The following BCL2L1 variants were observed in gnomAD, a reference collection of about 807,000 sequenced individuals.
BCL2L1 encodes bcl-2-like protein 1.
A neutral mutation model predicts 18.7 loss-of-function variants in BCL2L1; 1 was observed. That is an observed-to-expected ratio of 0.05 (90% CI 0.02 to 0.25). The LOEUF is 0.25. BCL2L1 is among the 10% of genes least tolerant of loss of function. The pLI, the probability that BCL2L1 is intolerant of heterozygous loss-of-function variation, is 1.00. For missense variants in BCL2L1, 207 were observed against 304.9 expected (o/e 0.68, Z 2.39); for synonymous variants, 103 against 122.7 (o/e 0.84, Z 1.06).
chr20:31,722,022 T>C lies in BCL2L1; in HGVS notation c.197A>G (p.Asn66Ser). Residue 66 changes from asparagine to serine, a missense_variant, in exon 2 of 3, where the codon AAT (asparagine) becomes AGT (serine). Physicochemically the swap from Asn to Ser is conservative, Grantham distance 46. Coordinates refer to ENST00000307677, the MANE Select transcript of BCL2L1 (RefSeq NM_138578.3). ...ACTGCTGCTGTGGCCAGTGGCTCCATTCACCGCGGGGCTGTCTGCCAGGTG... is the reference window on the plus strand; with the variant it reads ...ACTGCTGCTGTGGCCAGTGGCTCCACTCACCGCGGGGCTGTCTGCCAGGTG... ...SWHLADSPAV[N>S]GATGHSSSLD... The C allele has an allele frequency of 1.9e-6, 3 of 1,613,124 alleles. No homozygotes were observed. Among genetic ancestry groups the C allele is most frequent in the Non-Finnish European group, 2.5e-6 (3 of 1,179,326 alleles).
intron 2 of BCL2L1, among the ~76,000 whole-genome samples, chr20:31,687,374 G>A (rs147223447): frequency 1.2e-3 from 187 of 152,012 alleles, no homozygotes; most frequent in African/African-American, 4.3e-3. Flanking sequence ...ATTCTCGGTC[G>A]GGCGCGGTGG....
At chr20:31,675,602 C>T (rs981337857) in intron 2 of BCL2L1, among the ~76,000 whole-genome samples, 2 of 152,126 alleles carry the variant, frequency 1.3e-5, no homozygotes, top group African/African-American at 4.8e-5. Context: ...TTCTCCTCTC[C>T]CCCACGGAAA....
At chr20:31,667,484 C>CGTGTGTATGTGTGT (rs2060605513) in intron 2 of BCL2L1, among the ~76,000 whole-genome samples, 1 of 135,266 alleles carries the variant, frequency 7.4e-6, no homozygotes, top group African/African-American at 3.1e-5. Context: ...ACCATAGTAC[C>CGTGTGTATGTGTGT]GTGTGTGTGT....
intron 2 of BCL2L1, among the ~76,000 whole-genome samples, chr20:31,719,607 C>G (rs1021959465): frequency 1.3e-5 from 2 of 152,194 alleles, no homozygotes; most frequent in African/African-American, 4.8e-5. Context: ...GGTATGTTGT[C>G]CAACAGGCTC....
chr20:31,668,185 A>C (rs1355796896), intron 2 of BCL2L1, among the ~76,000 whole-genome samples: 1 of 149,962 alleles, frequency 6.7e-6, no homozygotes, highest in Non-Finnish European at 1.5e-5. Flanking sequence ...CGCCTGCCTC[A>C]CTCCCTCATT....
rs748607674 is a variant in BCL2L1 at position 31,722,267 on chromosome 20, T to G, written c.-49A>C. ...CCAGTCCATTGTCCAAAACACCTGC[T>G]CACTCACTGAGTCTCGTCTCTGGTT... On this transcript the variant is annotated 5_prime_UTR_variant, in exon 2 of 3. Coordinates refer to ENST00000307677, the MANE Select transcript of BCL2L1 (RefSeq NM_138578.3). 1.5e-6 allele frequency: 2 copies of G among 1,327,860 alleles called. No homozygotes were observed. Among genetic ancestry groups the G allele is most frequent in the Admixed American group, 2.5e-5 (1 of 39,974 alleles). The allele number at this position is 1,327,860 out of a possible 1,614,324, so 82.3% of individuals were successfully genotyped here.
At chr20:31,670,011 G>A (rs1265903968) in intron 2 of BCL2L1, among the ~76,000 whole-genome samples, 2 of 152,170 alleles carry the variant, frequency 1.3e-5, no homozygotes, top group Non-Finnish European at 2.9e-5. Flanking sequence ...CTGCAAGACT[G>A]CCTAGCTTCA....
rs565755968 is a variant in BCL2L1 at position 31,674,122 on chromosome 20, T to G, written c.565-8036A>C. Among the ~76,000 whole-genome samples, 4 of 152,328 alleles carry G rather than the reference T, an allele frequency of 2.6e-5. No homozygotes were observed. In the East Asian group the frequency reaches 7.7e-4, roughly 29 times the overall value. On this transcript the variant is annotated intron_variant, in intron 2 of 2. Coordinates refer to ENST00000307677, the MANE Select transcript of BCL2L1 (RefSeq NM_138578.3). The stretch of plus-strand genomic sequence containing the variant: ...CTTTTAATCTATCCAAGATAGTACT[T>G]CATTCACACTCATTCTGATGTCCAA...
chr20:31,723,873 T>C, upstream of BCL2L1: 1 of 985,266 alleles, frequency 1.0e-6, no homozygotes, highest in Non-Finnish European at 1.2e-6. Flanking sequence ...CCTGGCTGAC[T>C]GCTCGCGCCG....
rs2061648707 is a variant in BCL2L1 at position 31,722,324 on chromosome 20, T to G, written c.-106A>C. The stretch of plus-strand genomic sequence containing the variant: ...TCTCTTCTAAGATCCAAAGCCAAGA[T>G]AAGATTCTGAAGGGAGAGAAAGAGC... On this transcript the variant is annotated 5_prime_UTR_variant, in exon 2 of 3. Transcript: ENST00000307677. 9 of 865,400 alleles carry G rather than the reference T, an allele frequency of 1.0e-5. No individual in the cohort carries two copies. The South Asian group carries it at 2.5e-4, about 24-fold the overall frequency. The allele number at this position is 865,400 out of a possible 1,614,324, so 53.6% of individuals were successfully genotyped here. A position where few individuals can be genotyped will look rare whatever the true frequency, so the allele number is the denominator to read the frequency against.
chr20:31,714,712 T>C (rs1912375597), intron 2 of BCL2L1, among the ~76,000 whole-genome samples: 1 of 151,962 alleles, frequency 6.6e-6, no homozygotes, highest in African/African-American at 2.4e-5. Flanking sequence ...ACTGTTGGAG[T>C]GGAAGAGGAC....
chr20:31,670,589 C>T (rs2122440577), intron 2 of BCL2L1, among the ~76,000 whole-genome samples: 1 of 152,332 alleles, frequency 6.6e-6, no homozygotes, highest in East Asian at 1.9e-4. Flanking sequence ...ATTCTCATTT[C>T]AGTGCCATAG....
intron 2 of BCL2L1, among the ~76,000 whole-genome samples, chr20:31,692,506 T>C (rs2061090566): frequency 6.6e-6 from 1 of 152,214 alleles, no homozygotes; most frequent in Non-Finnish European, 1.5e-5. Flanking sequence ...CTGGGCGCAG[T>C]GGCTCACGCC....
intron 2 of BCL2L1, chr20:31,720,039 A>G: frequency 1.1e-6 from 1 of 943,062 alleles, no homozygotes; most frequent in African/African-American, 1.8e-5. Context: ...CTATTTAATC[A>G]TTTATCCCCC....
chr20:31,690,575 T>G (rs1006513752), intron 2 of BCL2L1, among the ~76,000 whole-genome samples: 2 of 145,684 alleles, frequency 1.4e-5, no homozygotes, highest in African/African-American at 5.0e-5. Context: ...CAGTATGTAT[T>G]TTTTTTTTTT....
At chr20:31,673,474 T>G (rs1429222015) in intron 2 of BCL2L1, among the ~76,000 whole-genome samples, 1 of 148,838 alleles carries the variant, frequency 6.7e-6, no homozygotes, top group Admixed American at 6.8e-5. Flanking sequence ...GAGGACCCTG[T>G]CTCTACAAAA....
chr20:31,696,657 A>T (rs893312701), intron 2 of BCL2L1, among the ~76,000 whole-genome samples: 2 of 152,326 alleles, frequency 1.3e-5, no homozygotes, highest in East Asian at 3.9e-4. Flanking sequence ...TAACGCCTGT[A>T]ATCGCAGCAC....
intron 2 of BCL2L1, among the ~76,000 whole-genome samples, chr20:31,709,982 A>G (rs2061428363): frequency 6.6e-6 from 1 of 152,004 alleles, no homozygotes; most frequent in Non-Finnish European, 1.5e-5. Context: ...CACCACGCCC[A>G]GCCACAGCCT....
intron 2 of BCL2L1, among the ~76,000 whole-genome samples, chr20:31,688,443 C>CAA (rs1374081367): frequency 1.2e-5 from 1 of 80,390 alleles, no homozygotes; most frequent in Admixed American, 1.3e-4. Flanking sequence ...GACTCTGTCT[C>CAA]CAAAAAAAAA....
Sources: gnomAD v4.1 joint callset for allele counts (sites outside exome capture counted in the v4.1 genomes callset) on GRCh38, gnomAD v4.1.1 for gene constraint, MANE v1.5 for transcripts, NCBI Gene and HGNC (gene_info 2026-07-23, HGNC 2026-07-21) for gene names.